Variants in RAB4A observed in about 807,000 individuals in gnomAD.
The protein encoded by RAB4A is ras-related protein Rab-4A.
A neutral mutation model predicts 34.5 loss-of-function variants in RAB4A; 20 were observed. The observed-to-expected ratio is 0.58, with a 90% confidence interval of 0.41 to 0.84. The LOEUF (loss-of-function observed/expected upper bound fraction) is 0.84, where lower values mean the gene tolerates loss of function less well. RAB4A is among the 40% of genes least tolerant of loss of function. RAB4A has a pLI of 0.00. For missense variants in RAB4A, 228 were observed against 274.5 expected (o/e 0.83, Z 1.20); for synonymous variants, 102 against 100.0 (o/e 1.02, Z -0.12).
intron 1 of RAB4A, among the ~76,000 whole-genome samples, chr1:229,275,956 A>G (rs1656633120): frequency 6.6e-6 from 1 of 151,138 alleles, no homozygotes; most frequent in Admixed American, 6.6e-5. Context: ...ACCTGGTTCC[A>G]ATAAAGTATG....
intron 3 of RAB4A, 137 bp downstream of exon 3, chr1:229,288,980 G>T: frequency 1.5e-6 from 1 of 646,684 alleles, no homozygotes. Flanking sequence ...TTCATTTTTG[G>T]AAACTTTGAT....
intron 3 of RAB4A, among the ~76,000 whole-genome samples, chr1:229,291,350 A>G (rs1200678462): frequency 1.3e-5 from 2 of 152,178 alleles, no homozygotes; most frequent in Non-Finnish European, 2.9e-5. Flanking sequence ...GAAAGAGGAA[A>G]ATGAAGCCAG....
At position 229,297,253 on chromosome 1, in the gene RAB4A, C is replaced by T. The variant is rs375873960; in HGVS notation, c.291-229C>T. On this transcript the variant is annotated intron_variant, in intron 4 of 7. Transcript: ENST00000366690. ...TCCTTTTGCCCCATGACTGGGCAAA[C>T]GAAAAATAACAAAATATCTCACTTG... 2.6e-4 allele frequency among the ~76,000 whole-genome samples: 40 copies of T among 152,228 alleles called. No homozygotes were observed. In the South Asian group the frequency reaches 7.5e-3, roughly 28 times the overall value.
rs890547251 is a variant in RAB4A at position 229,275,496 on chromosome 1, C to A, written c.31+4126C>A. ...GTTTGTGGTTCTTTGTGATGGCAGCCCTAAGAAACTAAAATATAGGCTTTG... is the reference window on the plus strand; with the variant it reads ...GTTTGTGGTTCTTTGTGATGGCAGCACTAAGAAACTAAAATATAGGCTTTG... On this transcript the variant is annotated intron_variant, in intron 1 of 7. Coordinates refer to ENST00000366690, the MANE Select transcript of RAB4A (RefSeq NM_004578.4). Among the ~76,000 whole-genome samples the A allele has an allele frequency of 3.3e-5, 5 of 151,826 alleles. No individual in the cohort carries two copies. In the South Asian group the frequency reaches 1.0e-3, roughly 32 times the overall value.
intron 4 of RAB4A, among the ~76,000 whole-genome samples, chr1:229,297,281 G>C (rs755267898): frequency 1.8e-4 from 28 of 152,216 alleles, no homozygotes; most frequent in Non-Finnish European, 3.5e-4. Flanking sequence ...CTCACTTGCT[G>C]TCTCATTTTA....
At chr1:229,300,547 G>C (rs1315661758) in intron 6 of RAB4A, among the ~76,000 whole-genome samples, 1 of 152,202 alleles carries the variant, frequency 6.6e-6, no homozygotes, top group East Asian at 1.9e-4. Flanking sequence ...AAGGTGAGGA[G>C]GAAGGGCCAG....
rs1209533204 is a variant in RAB4A, at chr1:229,293,680, GAGAC to G, written c.228-2164_228-2161del. On this transcript the variant is annotated intron_variant, in intron 3 of 7. Transcript: ENST00000366690. ...GGAGGGGAGGCAGGCAGCCAACACA[GAGAC>G]AGAGACAGAAAGAGCATCCCACCAA... is the stretch of plus-strand genomic sequence containing the variant. 3.3e-5 allele frequency among the ~76,000 whole-genome samples: 5 copies of G among 152,134 alleles called. No homozygotes were observed. The South Asian group carries it at 6.2e-4, about 19-fold the overall frequency.
At chr1:229,295,149 T>C (rs1327492520) in intron 3 of RAB4A, among the ~76,000 whole-genome samples, 4 of 151,860 alleles carry the variant, frequency 2.6e-5, no homozygotes, top group African/African-American at 9.7e-5. Flanking sequence ...ACAGGGTCTC[T>C]CTCTCTTACC....
intron 4 of RAB4A, 150 bp downstream of exon 4, chr1:229,296,060 T>C (rs1298445775): frequency 5.9e-6 from 4 of 681,478 alleles, no homozygotes; most frequent in Non-Finnish European, 9.8e-6. Context: ...AGCCCTTCCA[T>C]CTGGGGTCTC....
At chr1:229,301,479 T>TA (rs1348043271) in intron 6 of RAB4A, among the ~76,000 whole-genome samples, 4 of 152,186 alleles carry the variant, frequency 2.6e-5, no homozygotes, top group African/African-American at 9.7e-5. Context: ...AAGACACTGT[T>TA]ACATAAATCC....
chr1:229,277,372 C>G (rs1656677871), intron 1 of RAB4A, among the ~76,000 whole-genome samples: 2 of 151,148 alleles, frequency 1.3e-5, no homozygotes, highest in Non-Finnish European at 2.9e-5. Context: ...CCTGTTCCAC[C>G]TCCTTTACTT....
At chr1:229,289,370 A>T (rs1188807294) in intron 3 of RAB4A, among the ~76,000 whole-genome samples, 3 of 152,222 alleles carry the variant, frequency 2.0e-5, no homozygotes, top group Non-Finnish European at 2.9e-5. Context: ...TGTAACTACT[A>T]AAGCAAGAAA....
chr1:229,272,978 C>G (rs760338889), intron 1 of RAB4A, among the ~76,000 whole-genome samples: 6 of 152,210 alleles, frequency 3.9e-5, no homozygotes, highest in Non-Finnish European at 8.8e-5. Context: ...CTGTAGAGAA[C>G]CACAGTCAGA....
At position 229,303,002 on chromosome 1, in the gene RAB4A, AC is replaced by A. The variant is rs1657457811; in HGVS notation, c.*12+15del. On this transcript the variant is annotated intron_variant, in intron 7 of 7. Coordinates refer to ENST00000366690, the MANE Select transcript of RAB4A (RefSeq NM_004578.4). ...GGAGAGCACACAGGTGGGTTTGGAC[AC>A]CTCCCTGCCCTGAGTTCCTGGCAAG... 6.4e-7 allele frequency: 1 copy of A among 1,571,266 alleles called. No individual in the cohort carries two copies. The highest frequency in any genetic ancestry group is 8.8e-7 in the Non-Finnish European group (1 of 1,142,458).
At chr1:229,283,264 C>A (rs1656823672) in intron 1 of RAB4A, among the ~76,000 whole-genome samples, 1 of 152,210 alleles carries the variant, frequency 6.6e-6, no homozygotes, top group East Asian at 1.9e-4. Flanking sequence ...CAGGGGCACA[C>A]AAGAGCTCAT....
intron 3 of RAB4A, among the ~76,000 whole-genome samples, chr1:229,293,059 A>T (rs571607690): frequency 6.6e-6 from 1 of 152,304 alleles, no homozygotes; most frequent in African/African-American, 2.4e-5. Flanking sequence ...AGAATTTGTT[A>T]GAATGATTCA....
chr1:229,290,053 T>TA (rs1657027445), intron 3 of RAB4A, among the ~76,000 whole-genome samples: 1 of 152,116 alleles, frequency 6.6e-6, no homozygotes, highest in Non-Finnish European at 1.5e-5. Context: ...AAAAAAATCT[T>TA]AAAGATAGGA....
chr1:229,277,918 G>A (rs1275017711), intron 1 of RAB4A, among the ~76,000 whole-genome samples: 1 of 151,324 alleles, frequency 6.6e-6, no homozygotes, highest in Non-Finnish European at 1.5e-5. Context: ...AGTCTGGAGT[G>A]CAGTGGCATT....
At chr1:229,295,967 T>A (rs915962723) in intron 4 of RAB4A, 57 bp downstream of exon 4, 1 of 1,587,286 alleles carries the variant, frequency 6.3e-7, no homozygotes. Flanking sequence ...GCCCAAAGGC[T>A]GGTCTTGGCG....
Sources: gnomAD v4.1 joint callset for allele counts (sites outside exome capture counted in the v4.1 genomes callset) on GRCh38, gnomAD v4.1.1 for gene constraint, MANE v1.5 for transcripts, NCBI Gene and HGNC (gene_info 2026-07-23, HGNC 2026-07-21) for gene names.